PHKA1: variants seen among roughly 807,000 people sequenced by gnomAD.
PHKA1 encodes the protein phosphorylase kinase regulatory subunit alpha 1, also known as phosphorylase b kinase regulatory subunit alpha, skeletal muscle isoform.
A neutral mutation model predicts 110.2 loss-of-function variants in PHKA1; 60 were observed. The observed-to-expected ratio is 0.54, with a 90% confidence interval of 0.44 to 0.68. The LOEUF is 0.68. Among genes scored for constraint, PHKA1 ranks in the 30% least tolerant of loss-of-function variants. The probability of loss-of-function intolerance (pLI) is 0.00; values close to 1 mark genes in which losing one functional copy is unlikely to be tolerated. For missense variants in PHKA1, 801 were observed against 942.5 expected, an observed-to-expected ratio of 0.85 and a Z score of 1.97; for synonymous variants, 316 against 333.6, an observed-to-expected ratio of 0.95 and a Z score of 0.58.
At chrX:72,609,472 G>T in intron 23 of PHKA1, 152 bp downstream of exon 23, 1 of 527,499 alleles carries the variant, frequency 1.9e-6, no homozygotes, top group Non-Finnish European at 3.5e-6. Flanking sequence ...ATTTACTCTT[G>T]CCCTACCATT....
In PHKA1 at chrX:72,609,624, G is replaced by T; in HGVS notation, c.2606C>A (p.Ala869Glu). 8.4e-7 allele frequency: 1 copy of T among 1,189,849 alleles called. No individual in the cohort carries two copies. The highest frequency in any genetic ancestry group is 1.1e-6 in the Non-Finnish European group (1 of 875,617). The change falls in exon 23 of 32, where the codon GCA becomes GAA. Residue 869 changes from alanine (A) to glutamate (E), a missense_variant and splice_region_variant. Around this residue, in one of 2 missense-constraint regions of PHKA1, gnomAD observed 502 missense variants for 519.2 expected, o/e 0.97. Transcript: ENST00000373542. ...CCTGACCAAACCCAGCCATACTCAC[G>T]CAGAGATAGTCTTTTCTCGAGGTTC... is the stretch of plus-strand genomic sequence containing the variant. ...PPEPREKTIS[A>E]PLPYEALTQL...
intron 4 of PHKA1, among the ~76,000 whole-genome samples, chrX:72,694,196 C>T (rs1556325220): frequency 8.9e-6 from 1 of 111,866 alleles, no homozygotes; most frequent in East Asian, 2.8e-4. Context: ...TTAAATCTCA[C>T]ATATGCCCTT....
intron 16 of PHKA1, among the ~76,000 whole-genome samples, chrX:72,627,487 C>A (rs1168211830): frequency 1.8e-5 from 2 of 112,220 alleles, no homozygotes; most frequent in African/African-American, 6.5e-5. Context: ...AGAAAGCTAA[C>A]AATTACCTGA....
intron 25 of PHKA1, among the ~76,000 whole-genome samples, chrX:72,604,896 G>A (rs1363420427): frequency 1.8e-5 from 2 of 111,758 alleles, no homozygotes; most frequent in Admixed American, 1.9e-4. Flanking sequence ...CTGACACCAT[G>A]ATCCACTGAT....
intron 28 of PHKA1, among the ~76,000 whole-genome samples, chrX:72,597,835 T>G (rs2052610683): frequency 9.0e-6 from 1 of 111,585 alleles, no homozygotes; most frequent in Non-Finnish European, 1.9e-5. Context: ...TCATTAAATC[T>G]GAGGGTGATC....
intron 6 of PHKA1, among the ~76,000 whole-genome samples, chrX:72,672,223 A>G (rs2053714282): frequency 8.9e-6 from 1 of 112,053 alleles, no homozygotes; most frequent in Non-Finnish European, 1.9e-5. Context: ...GGCACAGCCC[A>G]TAAAGAACAC....
intron 13 of PHKA1, among the ~76,000 whole-genome samples, chrX:72,647,357 T>C (rs1556297485): frequency 1.8e-5 from 2 of 111,102 alleles, no homozygotes. Context: ...CACAGGCATA[T>C]AGGAGGAAAA....
At chrX:72,582,342 G>A in intron 31 of PHKA1, 56 bp downstream of exon 31, 5 of 871,688 alleles carry the variant, frequency 5.7e-6, no homozygotes, top group Non-Finnish European at 8.5e-6. Flanking sequence ...ACCTCTGAAT[G>A]TCATCAGGTT....
At chrX:72,702,976 G>A (rs901492552) in intron 3 of PHKA1, among the ~76,000 whole-genome samples, 2 of 111,566 alleles carry the variant, frequency 1.8e-5, no homozygotes, top group East Asian at 2.8e-4. Context: ...AGTGGAGGGA[G>A]GCCTTGCTTT....
At chrX:72,623,042 A>C (rs1238486843) in intron 18 of PHKA1, 67 bp downstream of exon 18, 68 of 1,199,829 alleles carry the variant, frequency 5.7e-5, no homozygotes, top group Non-Finnish European at 7.5e-5. Flanking sequence ...TAAATTATTA[A>C]GGATGGTGCT....
chrX:72,662,310 A>T lies in PHKA1; in HGVS notation c.864+3841T>A, dbSNP rs1223004388. ...TACTCTGGGGGCCAGTAGCCATTGT[A>T]CCTCTCCAACCTTGACTCTTTGCCA... On this transcript the variant is annotated intron_variant, in intron 8 of 31. Transcript: ENST00000373542. 2.7e-5 allele frequency among the ~76,000 whole-genome samples: 3 copies of T among 111,152 alleles called. No homozygotes were observed. In the East Asian group the frequency reaches 8.6e-4, roughly 32 times the overall value.
Position 72,643,254 on chromosome X carries a change from C to T in PHKA1, c.1459+1108G>A, listed in dbSNP as rs189077906. 3.1e-4 allele frequency among the ~76,000 whole-genome samples: 35 copies of T among 111,203 alleles called. 1 individual carries two copies. Among genetic ancestry groups the T allele is most frequent in the Admixed American group, 7.7e-4 (8 of 10,449 alleles). On this transcript the variant is annotated intron_variant, in intron 14 of 31. Transcript: ENST00000373542. ...AAAAAAGTACACATACACACATACACGCACACACACACACGCGCGCACACA... is the reference window on the plus strand; with the variant it reads ...AAAAAAGTACACATACACACATACATGCACACACACACACGCGCGCACACA...
intron 28 of PHKA1, among the ~76,000 whole-genome samples, chrX:72,600,526 CA>C (rs2052645111): frequency 8.9e-6 from 1 of 111,745 alleles, no homozygotes; most frequent in Non-Finnish European, 1.9e-5. Flanking sequence ...TCAGATTATT[CA>C]AATTATTCGA....
At chrX:72,656,280 G>A in intron 9 of PHKA1, 38 bp from the exon 10 acceptor site, 3 of 1,183,626 alleles carry the variant, frequency 2.5e-6, no homozygotes, top group South Asian at 3.6e-5. Flanking sequence ...TCACTCAGAG[G>A]TTAGATGTAT....
At chrX:72,686,793 A>C (rs938596457) in intron 4 of PHKA1, among the ~76,000 whole-genome samples, 4 of 112,166 alleles carry the variant, frequency 3.6e-5, no homozygotes, top group African/African-American at 1.3e-4. Flanking sequence ...TTTGTTCATC[A>C]TATATCTATC....
chrX:72,629,506 T>C (rs1280918502), intron 16 of PHKA1, among the ~76,000 whole-genome samples: 1 of 111,930 alleles, frequency 8.9e-6, no homozygotes, highest in African/African-American at 3.2e-5. Context: ...AGTTCTACTT[T>C]ACCAGATATT....
In PHKA1 at chrX:72,605,370, G is replaced by T. The variant is rs782241425; in HGVS notation, c.2716C>A (p.Arg906=). 4 of 1,206,063 alleles carry T rather than the reference G, an allele frequency of 3.3e-6. No individual in the cohort carries two copies. Among genetic ancestry groups the T allele is most frequent in the Non-Finnish European group, 4.5e-6 (4 of 890,516 alleles). ...EIMVYLAMYM[R]TQPGLFAEMF... ...TCAGCAAAGAGGCCAGGCTGGGTTC[G>T]CATATACATGGCTAGATATACCATT... Residue 906 remains arginine (R), a synonymous_variant, in exon 25 of 32, where the codon CGA becomes AGA. Transcript: ENST00000373542.
At chrX:72,620,011 G>A (rs1402500885) in intron 19 of PHKA1, among the ~76,000 whole-genome samples, 1 of 111,855 alleles carries the variant, frequency 8.9e-6, no homozygotes, top group Admixed American at 9.5e-5. Context: ...TACTCAGAGG[G>A]TATGCTGAGC....
intron 14 of PHKA1, among the ~76,000 whole-genome samples, chrX:72,639,859 C>A (rs1395328989): frequency 9.0e-6 from 1 of 111,411 alleles, no homozygotes; most frequent in East Asian, 2.8e-4. Context: ...ATCAGCAGCA[C>A]CAAAAAGTAA....
Sources: gnomAD v4.1 joint callset for allele counts (sites outside exome capture counted in the v4.1 genomes callset) on GRCh38, gnomAD v4.1.1 for gene constraint, gnomAD v4.1.1 regional missense constraint, MANE v1.5 for transcripts, NCBI Gene and HGNC (gene_info 2026-07-23, HGNC 2026-07-21) for gene names.